Variants in GALNTL6 observed in about 807,000 individuals in gnomAD.
The protein encoded by GALNTL6 is polypeptide N-acetylgalactosaminyltransferase-like 6.
GALNTL6 carries 46 observed loss-of-function variants against 73.7 expected under a neutral mutation model. The observed-to-expected ratio is 0.62, with a 90% CI of 0.49 to 0.80. The LOEUF is 0.80. Ranked by LOEUF, GALNTL6 falls within the 30% of genes least tolerant of loss-of-function variation. The probability of loss-of-function intolerance (pLI) is 0.00; values close to 1 mark genes in which losing one functional copy is unlikely to be tolerated. For synonymous variants in GALNTL6, 259 were observed against 263.7 expected (o/e 0.98, Z 0.17); for missense variants, 604 against 755.0 (o/e 0.80, Z 2.34).
chr4:172,232,144 A>C (rs539389364), intron 3 of GALNTL6, among the ~76,000 whole-genome samples: 2 of 151,808 alleles, frequency 1.3e-5, no homozygotes, highest in Middle Eastern at 3.4e-3. Context: ...AGTCAAAATC[A>C]AATAAACATC....
intron 3 of GALNTL6, among the ~76,000 whole-genome samples, chr4:172,257,471 A>G (rs1463409904): frequency 1.3e-5 from 2 of 151,420 alleles, no homozygotes; most frequent in African/African-American, 4.8e-5. Flanking sequence ...TGGTTGCAGC[A>G]ATTTAACTGT....
intron 7 of GALNTL6, among the ~76,000 whole-genome samples, chr4:172,876,163 A>C (rs1028866941): frequency 6.6e-6 from 1 of 152,204 alleles, no homozygotes; most frequent in Admixed American, 6.5e-5. Context: ...TCTACATATG[A>C]AGTAAGCAGC....
chr4:172,586,519 C>T (rs1249648721), intron 5 of GALNTL6, among the ~76,000 whole-genome samples: 1 of 149,938 alleles, frequency 6.7e-6, no homozygotes, highest in African/African-American at 2.5e-5. Flanking sequence ...AGCATTACGG[C>T]ATTTCTCAGA....
At chr4:172,407,081 T>G (rs1038258245) in intron 5 of GALNTL6, among the ~76,000 whole-genome samples, 3 of 152,002 alleles carry the variant, frequency 2.0e-5, no homozygotes, top group African/African-American at 7.2e-5. Context: ...ACAGCAAAAT[T>G]TATAGGGTTT....
At chr4:171,855,939 A>G (rs891723156) in intron 2 of GALNTL6, among the ~76,000 whole-genome samples, 3 of 152,226 alleles carry the variant, frequency 2.0e-5, no homozygotes, top group Non-Finnish European at 4.4e-5. Context: ...TATTTTGCTC[A>G]TTTTAAAATT....
intron 8 of GALNTL6, among the ~76,000 whole-genome samples, chr4:172,929,209 A>G (rs1204869927): frequency 6.6e-6 from 1 of 152,218 alleles, no homozygotes; most frequent in Non-Finnish European, 1.5e-5. Context: ...CCTGAACTCA[A>G]TTACAGCAAC....
At chr4:172,496,831 T>G (rs77349580) in intron 5 of GALNTL6, among the ~76,000 whole-genome samples, 1 of 152,212 alleles carries the variant, frequency 6.6e-6, no homozygotes, top group Non-Finnish European at 1.5e-5. Flanking sequence ...GCTAAGATTT[T>G]GGGAAAATAA....
chr4:172,564,335 T>C (rs1736483346), intron 5 of GALNTL6, among the ~76,000 whole-genome samples: 1 of 152,230 alleles, frequency 6.6e-6, no homozygotes, highest in Non-Finnish European at 1.5e-5. Flanking sequence ...AAAGCACATT[T>C]TCCCAGCTCA....
intron 2 of GALNTL6, among the ~76,000 whole-genome samples, chr4:172,034,057 G>A (rs1030430728): frequency 2.6e-5 from 4 of 152,106 alleles, no homozygotes; most frequent in Non-Finnish European, 5.9e-5. Flanking sequence ...AGTGTCTAGT[G>A]AGTTGTCGGG....
At chr4:171,931,640 T>TA (rs1738188819) in intron 2 of GALNTL6, among the ~76,000 whole-genome samples, 1 of 152,206 alleles carries the variant, frequency 6.6e-6, no homozygotes, top group African/African-American at 2.4e-5. Flanking sequence ...CTGCTTTATA[T>TA]AAAAACAATT....
At chr4:172,240,516 C>G (rs943029671) in intron 3 of GALNTL6, among the ~76,000 whole-genome samples, 1 of 152,148 alleles carries the variant, frequency 6.6e-6, no homozygotes, top group Non-Finnish European at 1.5e-5. Context: ...CAGGCGTGAG[C>G]CACTGCGCCC....
At chr4:172,660,201 A>G (rs1731293262) in intron 5 of GALNTL6, among the ~76,000 whole-genome samples, 3 of 152,250 alleles carry the variant, frequency 2.0e-5, no homozygotes, top group Admixed American at 6.5e-5. Flanking sequence ...TTGAAGAATT[A>G]TAAAAACAAC....
chr4:172,107,873 T>C (rs561280595), intron 2 of GALNTL6, among the ~76,000 whole-genome samples: 4 of 152,294 alleles, frequency 2.6e-5, no homozygotes, highest in African/African-American at 7.2e-5. Flanking sequence ...GTTTGGTTCA[T>C]TAATCATTTC....
At chr4:171,820,372 C>A (rs1399372768) in intron 2 of GALNTL6, among the ~76,000 whole-genome samples, 1 of 152,026 alleles carries the variant, frequency 6.6e-6, no homozygotes, top group African/African-American at 2.4e-5. Flanking sequence ...TGTGGTAGGG[C>A]AAAAAGATGT....
intron 3 of GALNTL6, among the ~76,000 whole-genome samples, chr4:172,264,555 AATATATATAT>A (rs201920170): frequency 0.037 from 3,811 of 103,702 alleles, 109 homozygotes; most frequent in South Asian, 0.047. Context: ...ATATATGCCA[AATATATATAT>A]ATATATATAT....
Position 171,942,199 on chromosome 4 carries a change from T to C in GALNTL6, c.138+127481T>C, listed in dbSNP as rs577598714. Among the ~76,000 whole-genome samples, 358 of 149,574 alleles carry C rather than the reference T, an allele frequency of 2.4e-3. 2 individuals are homozygous for C. The highest frequency in any genetic ancestry group is 3.8e-3 in the Non-Finnish European group (258 of 67,482). ...TGAGGTCAGGAGGTTGAGACCAGCCTGGCCAACATGGTGAAACCCGGTCTC... is the reference window on the plus strand; with the variant it reads ...TGAGGTCAGGAGGTTGAGACCAGCCCGGCCAACATGGTGAAACCCGGTCTC... On this transcript the variant is annotated intron_variant, in intron 2 of 12. Coordinates refer to ENST00000506823, the MANE Select transcript of GALNTL6 (RefSeq NM_001034845.3).
intron 12 of GALNTL6, among the ~76,000 whole-genome samples, chr4:173,032,358 G>C (rs1436598651): frequency 6.6e-6 from 1 of 152,126 alleles, no homozygotes; most frequent in African/African-American, 2.4e-5. Context: ...GGCTGAGGCA[G>C]GAGAATGGCG....
At chr4:172,148,519 A>C (rs191532395) in intron 2 of GALNTL6, among the ~76,000 whole-genome samples, 70 of 152,360 alleles carry the variant, frequency 4.6e-4, no homozygotes, top group African/African-American at 1.7e-3. Context: ...AACATAAGGC[A>C]CTGATCCTCC....
At chr4:172,496,969 CAATTTGAAACTGT>C (rs1734089942) in intron 5 of GALNTL6, among the ~76,000 whole-genome samples, 1 of 152,128 alleles carries the variant, frequency 6.6e-6, no homozygotes, top group South Asian at 2.1e-4. Flanking sequence ...AGTTAGTTTT[CAATTTGAAACTGT>C]AGTTTGAAAA....
Sources: allele counts gnomAD v4.1 joint callset (sites outside exome capture counted in the v4.1 genomes callset), GRCh38; gene constraint gnomAD v4.1.1; transcripts MANE v1.5; gene names NCBI Gene and HGNC (gene_info 2026-07-23, HGNC 2026-07-21).